Variants in FGGY observed in about 807,000 individuals in gnomAD.
FGGY encodes the protein FGGY carbohydrate kinase domain containing, also known as FGGY carbohydrate kinase domain-containing protein.
Under a neutral mutation model 71.3 loss-of-function variants are expected in FGGY, and 72 were observed. That is an observed-to-expected ratio of 1.01 (90% CI 0.84 to 1.23). FGGY has a LOEUF of 1.23. Ranked by LOEUF, FGGY falls within the 50% of genes most tolerant of loss-of-function variation. The pLI, the probability that FGGY is intolerant of heterozygous loss-of-function variation, is 0.00. For synonymous variants in FGGY, 251 were observed against 250.3 expected (o/e 1.00, Z -0.02); for missense variants, 668 against 682.3 (o/e 0.98, Z 0.23).
chr1:59,603,994 A>G lies in FGGY; in HGVS notation c.904-3809A>G, dbSNP rs147646947. Among the ~76,000 whole-genome samples the G allele has an allele frequency of 2.6e-3, 402 of 152,332 alleles. 4 individuals are homozygous for G. Among genetic ancestry groups the G allele is most frequent in the African/African-American group, 9.2e-3 (381 of 41,566 alleles). On this transcript the variant is annotated intron_variant, in intron 8 of 15. Coordinates refer to ENST00000303721, the MANE Select transcript of FGGY (RefSeq NM_018291.5). Reference sequence around the variant, plus strand: ...TCTCTGCCTCAGTCTACATATCTGTACAATAGGAATAATAACAGAATTTTT... The same window carrying G: ...TCTCTGCCTCAGTCTACATATCTGTGCAATAGGAATAATAACAGAATTTTT...
Position 59,631,233 on chromosome 1 carries a change from T to C in FGGY, c.1073+5184T>C, listed in dbSNP as rs182919598. ...GAGTTTATAGTCCTTTTCTTGACCA[T>C]TAACATTAATTTTTGTCACAGCTAG... On this transcript the variant is annotated intron_variant, in intron 10 of 15. Transcript: ENST00000303721. Among the ~76,000 whole-genome samples the C allele has an allele frequency of 2.1e-3, 319 of 152,322 alleles. 2 individuals carry two copies. The highest frequency in any genetic ancestry group is 7.3e-3 in the African/African-American group (302 of 41,582).
chr1:59,634,698 A>T (rs1294670620), intron 10 of FGGY, among the ~76,000 whole-genome samples: 1 of 152,122 alleles, frequency 6.6e-6, no homozygotes, highest in African/African-American at 2.4e-5. Context: ...TTGGATTTTT[A>T]AAAAACTAGA....
chr1:59,473,582 G>A (rs968709149), intron 6 of FGGY, among the ~76,000 whole-genome samples: 12 of 152,192 alleles, frequency 7.9e-5, no homozygotes, highest in Non-Finnish European at 1.6e-4. Context: ...TGCAGAGTGT[G>A]TGTGAACTGT....
chr1:59,627,489 T>TATATACACACACAC (rs1469493501), intron 10 of FGGY, among the ~76,000 whole-genome samples: 1 of 92,802 alleles, frequency 1.1e-5, no homozygotes, highest in African/African-American at 5.1e-5. Context: ...TATATATATA[T>TATATACACACACAC]ACACACACAC....
chr1:59,528,652 G>A (rs1051363215), intron 7 of FGGY, among the ~76,000 whole-genome samples: 1 of 152,150 alleles, frequency 6.6e-6, no homozygotes, highest in African/African-American at 2.4e-5. Context: ...TTAGCCTCAG[G>A]AGTTAAAAGT....
chr1:59,410,597 G>T, intron 5 of FGGY, among the ~76,000 whole-genome samples: 1 of 147,834 alleles, frequency 6.8e-6, no homozygotes, highest in Non-Finnish European at 1.5e-5. Flanking sequence ...GATGCCCATA[G>T]TGAAAAAGTA....
intron 4 of FGGY, among the ~76,000 whole-genome samples, chr1:59,363,731 A>C (rs2056056677): frequency 6.6e-6 from 1 of 152,210 alleles, no homozygotes; most frequent in African/African-American, 2.4e-5. Context: ...GGTGAGGCTA[A>C]AGAGGCAGCC....
intron 5 of FGGY, among the ~76,000 whole-genome samples, chr1:59,381,936 G>A (rs2059510954): frequency 6.6e-6 from 1 of 152,174 alleles, no homozygotes; most frequent in Non-Finnish European, 1.5e-5. Flanking sequence ...GTGAGTGTAT[G>A]TGTGGGGTTA....
At chr1:59,516,061 T>C (rs2094639670) in intron 7 of FGGY, among the ~76,000 whole-genome samples, 1 of 150,252 alleles carries the variant, frequency 6.7e-6, no homozygotes, top group Non-Finnish European at 1.5e-5. Flanking sequence ...ACTTAATATA[T>C]GTTGACTATG....
At chr1:59,379,795 CT>C (rs1216884223) in intron 5 of FGGY, among the ~76,000 whole-genome samples, 1 of 151,596 alleles carries the variant, frequency 6.6e-6, no homozygotes, top group African/African-American at 2.4e-5. Context: ...ATTCAATATG[CT>C]TTTTTCTTTT....
At chr1:59,504,632 T>C (rs1317234103) in intron 6 of FGGY, among the ~76,000 whole-genome samples, 2 of 152,182 alleles carry the variant, frequency 1.3e-5, no homozygotes, top group Admixed American at 1.3e-4. Context: ...AAAAACATGA[T>C]TTCAGAGTTT....
intron 5 of FGGY, among the ~76,000 whole-genome samples, chr1:59,429,249 GT>G (rs72303962): frequency 8.0e-5 from 12 of 149,252 alleles, no homozygotes; most frequent in East Asian, 2.0e-4. Context: ...AATAATTCTG[GT>G]TTTTTTTTTC....
At chr1:59,591,246 C>G (rs2096430200) in intron 8 of FGGY, among the ~76,000 whole-genome samples, 1 of 152,056 alleles carries the variant, frequency 6.6e-6, no homozygotes. Context: ...TGTGAAGGAC[C>G]TCATCAAGGA....
At chr1:59,450,221 A>G (rs773588941) in intron 5 of FGGY, among the ~76,000 whole-genome samples, 4 of 152,294 alleles carry the variant, frequency 2.6e-5, no homozygotes, top group Admixed American at 1.3e-4. Context: ...AGTTTCTAAT[A>G]TGCGTCTTTC....
chr1:59,529,100 A>C (rs1469173100), intron 7 of FGGY, among the ~76,000 whole-genome samples: 1 of 152,244 alleles, frequency 6.6e-6, no homozygotes, highest in Non-Finnish European at 1.5e-5. Flanking sequence ...GAATATATGC[A>C]TGAATGAATA....
chr1:59,585,596 G>A (rs2096271368), intron 8 of FGGY, among the ~76,000 whole-genome samples: 1 of 152,156 alleles, frequency 6.6e-6, no homozygotes, highest in African/African-American at 2.4e-5. Flanking sequence ...TCACCATTCA[G>A]GACATAGGCA....
intron 6 of FGGY, among the ~76,000 whole-genome samples, chr1:59,498,985 A>G (rs193011337): frequency 4.4e-4 from 67 of 152,278 alleles, no homozygotes; most frequent in Admixed American, 1.2e-3. Flanking sequence ...TTTGCACTGT[A>G]GTAGAAGTTT....
intron 6 of FGGY, among the ~76,000 whole-genome samples, chr1:59,504,168 G>A (rs2094316054): frequency 6.6e-6 from 1 of 151,910 alleles, no homozygotes; most frequent in Non-Finnish European, 1.5e-5. Context: ...TGTTCCTGGA[G>A]GGTGGAGTGC....
intron 1 of FGGY, among the ~76,000 whole-genome samples, chr1:59,320,582 G>A (rs6667231): frequency 0.019 from 2,876 of 152,304 alleles, 86 homozygotes; most frequent in African/African-American, 0.065. Context: ...AGCCATGAAG[G>A]CCAAGGAATT....
Sources: gnomAD v4.1 joint callset for allele counts (sites outside exome capture counted in the v4.1 genomes callset) on GRCh38, gnomAD v4.1.1 for gene constraint, MANE v1.5 for transcripts, NCBI Gene and HGNC (gene_info 2026-07-23, HGNC 2026-07-21) for gene names.